Variants in TMEM184B observed in about 807,000 individuals in gnomAD.
TMEM184B encodes the protein transmembrane protein 184B.
Under a neutral mutation model 41.8 loss-of-function variants are expected in TMEM184B, and 17 were observed. The ratio of observed to expected loss-of-function variants is 0.41; its 90% confidence interval spans 0.28 to 0.61. The LOEUF is 0.61. Ranked by LOEUF, TMEM184B falls within the 20% of genes least tolerant of loss-of-function variation. TMEM184B has a pLI of 0.34. For missense variants in TMEM184B, 393 were observed against 557.8 expected, an observed-to-expected ratio of 0.70 and a Z score of 2.98; for synonymous variants, 240 against 229.5, an observed-to-expected ratio of 1.05 and a Z score of -0.41.
At position 38,226,904 on chromosome 22, in the gene TMEM184B, A is replaced by C; in HGVS notation, c.526-34T>G. The C allele has an allele frequency of 6.4e-7, 1 of 1,556,854 alleles. No individual in the cohort carries two copies. Among genetic ancestry groups the C allele is most frequent in the Non-Finnish European group, 8.7e-7 (1 of 1,148,964 alleles). On this transcript the variant is annotated intron_variant, in intron 5 of 8. Transcript: ENST00000361906. The surrounding 1 kb of genome is among the most constrained non-coding windows in gnomAD (Gnocchi z 4.6). ...GGGAAAAGGAGGTTGAGTGTGGAGG[A>C]GGAGCACAGAAGGCATGAAGCAAGC...
Position 38,226,387 on chromosome 22 carries a change from T to G in TMEM184B, c.617+392A>C. Reference sequence around the variant, plus strand: ...TGAACCACTGTGCCCAGCCACGGGGTCACTTTCACTAAGCCCAGAATGAAA... The same window carrying G: ...TGAACCACTGTGCCCAGCCACGGGGGCACTTTCACTAAGCCCAGAATGAAA... On this transcript the variant is annotated intron_variant, in intron 6 of 8. Transcript: ENST00000361906. This position sits in a 1 kb window ranked among gnomAD's most constrained non-coding sequence, Gnocchi z 4.6. 5.0e-6 allele frequency: 1 copy of G among 198,986 alleles called. No homozygotes were observed. The highest frequency in any genetic ancestry group is 1.1e-5 in the Non-Finnish European group (1 of 94,432). 12.3% of individuals were successfully genotyped at this position (198,986 alleles called of 1,614,324 possible).
downstream of TMEM184B, among the ~76,000 whole-genome samples, chr22:38,218,239 A>C (rs1209946230): frequency 3.3e-5 from 5 of 152,122 alleles, no homozygotes; most frequent in African/African-American, 1.2e-4. Context: ...ATTTCAACCC[A>C]ATCTGCCAGC....
At chr22:38,267,067 G>A (rs1271906322) in intron 1 of TMEM184B, among the ~76,000 whole-genome samples, 3 of 145,270 alleles carry the variant, frequency 2.1e-5, no homozygotes, top group African/African-American at 7.6e-5. Flanking sequence ...CTGGGCGACA[G>A]AGCAAAACTC....
rs974390315 is a variant in TMEM184B, at chr22:38,221,084, G to A, written c.*385C>T. ...GTGTGTGGGGGAGCCACGGCTTGCC[G>A]ACCTCAGCCTGAGAGTCTCGCGGGG... On this transcript the variant is annotated 3_prime_UTR_variant, in exon 9 of 9. Coordinates refer to ENST00000361906, the MANE Select transcript of TMEM184B (RefSeq NM_012264.5). The A allele has an allele frequency of 1.2e-5, 13 of 1,065,900 alleles. No individual in the cohort carries two copies. The highest frequency in any genetic ancestry group is 5.0e-5 in the African/African-American group (3 of 59,578). The allele number at this position is 1,065,900 out of a possible 1,614,324, so 66.0% of individuals were successfully genotyped here. A position where few individuals can be genotyped will look rare whatever the true frequency, so the allele number is the denominator to read the frequency against.
chr22:38,266,985 A>G (rs1316494212), intron 1 of TMEM184B, among the ~76,000 whole-genome samples: 1 of 151,726 alleles, frequency 6.6e-6, no homozygotes, highest in Non-Finnish European at 1.5e-5. Flanking sequence ...CGGGAGGCTG[A>G]GGCAGGAGAA....
chr22:38,271,499 A>G (rs1218159123), intron 1 of TMEM184B, among the ~76,000 whole-genome samples: 2 of 152,212 alleles, frequency 1.3e-5, no homozygotes, highest in Non-Finnish European at 2.9e-5. Context: ...GAAAGCAGAA[A>G]AGCCTCAGAT....
At chr22:38,238,752 C>T (rs915145106) in intron 3 of TMEM184B, among the ~76,000 whole-genome samples, 5 of 152,352 alleles carry the variant, frequency 3.3e-5, no homozygotes, top group East Asian at 3.9e-4. Flanking sequence ...GAAACTTGTC[C>T]TGTCCTCTCT....
At chr22:38,254,970 TC>T (rs2092249971) in intron 1 of TMEM184B, among the ~76,000 whole-genome samples, 1 of 151,258 alleles carries the variant, frequency 6.6e-6, no homozygotes, top group Admixed American at 6.6e-5. Context: ...TCTGCCTCTG[TC>T]TCCTGAGTAG....
chr22:38,225,091 G>T lies in TMEM184B; in HGVS notation c.788-112C>A. On this transcript the variant is annotated intron_variant, in intron 7 of 8. Transcript: ENST00000361906. This position sits in a 1 kb window ranked among gnomAD's most constrained non-coding sequence, Gnocchi z 4.4. Reference sequence around the variant, plus strand: ...ATGCCCCAGTGAGGATGTGAGCAGGGCCACAGCTGCTCCTGCAGGGCAGGG... The same window carrying T: ...ATGCCCCAGTGAGGATGTGAGCAGGTCCACAGCTGCTCCTGCAGGGCAGGG... 1 of 1,214,610 alleles carries T rather than the reference G, an allele frequency of 8.2e-7. No homozygotes were observed. Among genetic ancestry groups the T allele is most frequent in the Non-Finnish European group, 1.1e-6 (1 of 895,110 alleles). 75.2% of individuals were successfully genotyped at this position (1,214,610 alleles called of 1,614,324 possible).
downstream of TMEM184B, among the ~76,000 whole-genome samples, chr22:38,218,752 C>G (rs183837337): frequency 6.6e-6 from 1 of 152,230 alleles, no homozygotes; most frequent in Non-Finnish European, 1.5e-5. Context: ...GCTATTTACC[C>G]GCCTCGGGAG....
At chr22:38,231,848 G>A (rs573620266) in intron 3 of TMEM184B, 66 of 238,298 alleles carry the variant, frequency 2.8e-4, no homozygotes, top group African/African-American at 1.2e-3. Context: ...GCAGCAGTAC[G>A]GTGACCTCCT....
rs986176654 is a variant in TMEM184B, at chr22:38,272,982, CCG to C, written c.-159_-158del. On this transcript the variant is annotated 5_prime_UTR_variant, in exon 1 of 9. Coordinates refer to ENST00000361906, the MANE Select transcript of TMEM184B (RefSeq NM_012264.5). ...CGCCGCAGCCCCGGAGTCTCCGCCG[CCG>C]CCGGCGCGTCCCGGGCCCAGTGGAG... 9 of 222,856 alleles carry C rather than the reference CCG, an allele frequency of 4.0e-5. No individual in the cohort carries two copies. Among genetic ancestry groups the C allele is most frequent in the Non-Finnish European group, 6.7e-5 (9 of 133,678 alleles). 13.8% of individuals were successfully genotyped at this position (222,856 alleles called of 1,614,324 possible). A position where few individuals can be genotyped will look rare whatever the true frequency, so the allele number is the denominator to read the frequency against.
downstream of TMEM184B, among the ~76,000 whole-genome samples, chr22:38,218,585 G>A (rs2091178349): frequency 1.3e-5 from 2 of 152,194 alleles, no homozygotes. Context: ...CAGGATTTGA[G>A]TCCGGGAAAG....
At chr22:38,232,822 G>A (rs1011737902) in intron 3 of TMEM184B, among the ~76,000 whole-genome samples, 4 of 152,118 alleles carry the variant, frequency 2.6e-5, no homozygotes, top group South Asian at 2.1e-4. Context: ...CTTATCCTTC[G>A]GTGCTTCTGC....
At chr22:38,259,330 C>T (rs1327468227) in intron 1 of TMEM184B, among the ~76,000 whole-genome samples, 1 of 152,188 alleles carries the variant, frequency 6.6e-6, no homozygotes. Context: ...ATCCTAACCC[C>T]CAGAGCCTGT....
chr22:38,217,830 C>CAAAAAAAA (rs374397588), downstream of TMEM184B, among the ~76,000 whole-genome samples: 1 of 87,778 alleles, frequency 1.1e-5, no homozygotes. Flanking sequence ...GACTCCATCT[C>CAAAAAAAA]AAAAAAAAAA....
At chr22:38,268,633 T>C (rs749497056) in intron 1 of TMEM184B, among the ~76,000 whole-genome samples, 4 of 152,206 alleles carry the variant, frequency 2.6e-5, no homozygotes, top group Non-Finnish European at 4.4e-5. Context: ...TGAGACTTAG[T>C]ATCAAACAAC....
In TMEM184B at chr22:38,237,011, G is replaced by A. The variant is rs547219320; in HGVS notation, c.359-5677C>T. Among the ~76,000 whole-genome samples the A allele has an allele frequency of 8.5e-5, 13 of 152,172 alleles. No individual in the cohort carries two copies. The South Asian group carries it at 2.7e-3, about 32-fold the overall frequency. ...TGCTGCTTCTGACCTCTCCTCTACT[G>A]GCTTCTTCTGAATGGCCTTCTTTCC... On this transcript the variant is annotated intron_variant, in intron 3 of 8. Transcript: ENST00000361906.
chr22:38,237,433 C>G (rs1454440276), intron 3 of TMEM184B, among the ~76,000 whole-genome samples: 3 of 152,262 alleles, frequency 2.0e-5, no homozygotes, highest in Non-Finnish European at 4.4e-5. Flanking sequence ...CCCCGATGAC[C>G]CTGGGCACAC....
Sources: allele counts gnomAD v4.1 joint callset (sites outside exome capture counted in the v4.1 genomes callset), GRCh38; gene constraint gnomAD v4.1.1; non-coding constraint Gnocchi (gnomAD v3.1); transcripts MANE v1.5; gene names NCBI Gene and HGNC (gene_info 2026-07-23, HGNC 2026-07-21).